CNOT6L: variants seen among roughly 807,000 people sequenced by gnomAD.
The protein encoded by CNOT6L is CCR4-NOT transcription complex subunit 6 like.
CNOT6L carries 7 observed loss-of-function variants against 64.0 expected under a neutral mutation model. That is an observed-to-expected ratio of 0.11 (90% CI 0.06 to 0.21). The LOEUF is 0.21. CNOT6L is among the 10% of genes least tolerant of loss of function. CNOT6L has a pLI of 1.00. For missense variants in CNOT6L, 245 were observed against 669.0 expected (o/e 0.37, Z 6.99); for synonymous variants, 193 against 243.4 (o/e 0.79, Z 1.93).
At chr4:77,742,043 T>C in intron 8 of CNOT6L, 98 bp downstream of exon 8, 2 of 1,108,892 alleles carry the variant, frequency 1.8e-6, no homozygotes, top group Non-Finnish European at 2.5e-6. Flanking sequence ...GTTTTCTAGC[T>C]TTCTGTTGAT....
rs1728237863 is a variant in CNOT6L, at chr4:77,777,093, T to A, written c.6-701A>T. ...ACAAGCCAATATAGTTCTCTTACTG[T>A]TTAAGCTACTTTGAATTGTGTTTTC... On this transcript the variant is annotated intron_variant, in intron 1 of 11. Transcript: ENST00000504123. Among the ~76,000 whole-genome samples the A allele has an allele frequency of 2.6e-5, 4 of 152,358 alleles. No individual in the cohort carries two copies. The South Asian group carries it at 8.3e-4, about 32-fold the overall frequency.
chr4:77,783,589 C>T (rs926146274), intron 1 of CNOT6L, among the ~76,000 whole-genome samples: 9 of 152,008 alleles, frequency 5.9e-5, no homozygotes, highest in African/African-American at 1.9e-4. Context: ...GATGAATAAC[C>T]GATAACCTCT....
chr4:77,763,092 A>T (rs1347531633), intron 4 of CNOT6L, among the ~76,000 whole-genome samples: 1 of 152,152 alleles, frequency 6.6e-6, no homozygotes, highest in East Asian at 1.9e-4. Context: ...AATATGGGAA[A>T]AACCTACTTT....
intron 1 of CNOT6L, among the ~76,000 whole-genome samples, chr4:77,779,521 C>G (rs1297401784): frequency 6.6e-6 from 1 of 151,596 alleles, no homozygotes; most frequent in Non-Finnish European, 1.5e-5. Context: ...CTTTGTAAGT[C>G]CATTAAAATT....
intron 11 of CNOT6L, among the ~76,000 whole-genome samples, chr4:77,724,121 C>T (rs1721578412): frequency 6.6e-6 from 1 of 150,826 alleles, no homozygotes; most frequent in South Asian, 2.1e-4. Context: ...CTCAAATATA[C>T]AAAAATTAGC....
At chr4:77,744,407 A>G (rs1723967108) in intron 7 of CNOT6L, among the ~76,000 whole-genome samples, 3 of 152,130 alleles carry the variant, frequency 2.0e-5, no homozygotes, top group Admixed American at 2.0e-4. Flanking sequence ...AAGACTGGCA[A>G]TCTTCTGTGG....
intron 5 of CNOT6L, among the ~76,000 whole-genome samples, chr4:77,751,376 G>C (rs558331293): frequency 3.5e-4 from 53 of 152,134 alleles, no homozygotes; most frequent in Admixed American, 1.3e-3. Flanking sequence ...CAAATGAACA[G>C]AGCCTGAAAA....
At chr4:77,796,532 C>G (rs910405020) in intron 1 of CNOT6L, among the ~76,000 whole-genome samples, 1 of 152,144 alleles carries the variant, frequency 6.6e-6, no homozygotes, top group Admixed American at 6.5e-5. Context: ...TGCCATGATT[C>G]TACGTTTCCT....
chr4:77,738,526 G>A (rs1176744751), intron 8 of CNOT6L, among the ~76,000 whole-genome samples: 1 of 152,082 alleles, frequency 6.6e-6, no homozygotes, highest in Non-Finnish European at 1.5e-5. Context: ...GGCCAAGGAG[G>A]GCAGATCACC....
chr4:77,750,596 G>A (rs1459930973), intron 5 of CNOT6L, among the ~76,000 whole-genome samples: 3 of 151,974 alleles, frequency 2.0e-5, no homozygotes, highest in South Asian at 4.1e-4. Flanking sequence ...CTTGTGATCC[G>A]CCTGCCTCAG....
intron 1 of CNOT6L, among the ~76,000 whole-genome samples, chr4:77,797,793 GA>G (rs1731037413): frequency 6.6e-6 from 1 of 152,146 alleles, no homozygotes; most frequent in South Asian, 2.1e-4. Context: ...GGCATCCACT[GA>G]GGGTCTTGGA....
chr4:77,785,055 CAG>C (rs1434818451), intron 1 of CNOT6L, among the ~76,000 whole-genome samples: 2 of 152,038 alleles, frequency 1.3e-5, no homozygotes, highest in Non-Finnish European at 2.9e-5. Flanking sequence ...TACAGTAATC[CAG>C]AGAGTTTGGT....
intron 1 of CNOT6L, among the ~76,000 whole-genome samples, chr4:77,799,701 T>C (rs895986246): frequency 7.1e-5 from 6 of 84,392 alleles, no homozygotes; most frequent in Non-Finnish European, 9.1e-5. Context: ...TGAAACTCCA[T>C]CTCAAAAAAA....
At chr4:77,759,787 C>G (rs1725973988) in intron 4 of CNOT6L, among the ~76,000 whole-genome samples, 1 of 152,134 alleles carries the variant, frequency 6.6e-6, no homozygotes, top group Non-Finnish European at 1.5e-5. Flanking sequence ...AAAAACAGAA[C>G]ACTATCAACC....
intron 1 of CNOT6L, among the ~76,000 whole-genome samples, chr4:77,779,969 A>G (rs1280044833): frequency 6.6e-6 from 1 of 152,198 alleles, no homozygotes; most frequent in East Asian, 1.9e-4. Flanking sequence ...GTCTCAATCA[A>G]TCAATCAATA....
chr4:77,781,474 A>G (rs1176927171), intron 1 of CNOT6L, among the ~76,000 whole-genome samples: 1 of 152,244 alleles, frequency 6.6e-6, no homozygotes, highest in Non-Finnish European at 1.5e-5. Context: ...ATTTAAATTT[A>G]GAGTTTCCAA....
chr4:77,738,474 C>A (rs940550520), intron 8 of CNOT6L, among the ~76,000 whole-genome samples: 2 of 152,116 alleles, frequency 1.3e-5, no homozygotes, highest in African/African-American at 4.8e-5. Context: ...GTATCTACGG[C>A]CAGGCGCGGT....
At chr4:77,760,895 T>TA (rs1560406577) in intron 4 of CNOT6L, among the ~76,000 whole-genome samples, 3 of 120,932 alleles carry the variant, frequency 2.5e-5, no homozygotes, top group Non-Finnish European at 5.0e-5. Flanking sequence ...TTTTTTTTTT[T>TA]AAGGAAGAGA....
intron 11 of CNOT6L, among the ~76,000 whole-genome samples, chr4:77,721,201 T>C (rs1383852183): frequency 6.6e-6 from 1 of 152,228 alleles, no homozygotes; most frequent in East Asian, 1.9e-4. Context: ...CTATTCTTAA[T>C]TTAAAATACT....
Sources: allele counts gnomAD v4.1 joint callset (sites outside exome capture counted in the v4.1 genomes callset), GRCh38; gene constraint gnomAD v4.1.1; transcripts MANE v1.5; gene names NCBI Gene and HGNC (gene_info 2026-07-23, HGNC 2026-07-21).